The following RGMA variants were observed in gnomAD, a reference collection of about 807,000 sequenced individuals.
RGMA encodes repulsive guidance molecule A.
A neutral mutation model predicts 23.2 loss-of-function variants in RGMA; 10 were observed. The ratio of observed to expected loss-of-function variants is 0.43; its 90% CI spans 0.27 to 0.73. The LOEUF is 0.73. Ranked by LOEUF, RGMA falls within the 30% of genes least tolerant of loss-of-function variation. The probability of loss-of-function intolerance (pLI) is 0.20; values close to 1 mark genes in which losing one functional copy is unlikely to be tolerated. For missense variants in RGMA, 547 were observed against 630.5 expected, an observed-to-expected ratio of 0.87 and a Z score of 1.42; for synonymous variants, 308 against 279.3, an observed-to-expected ratio of 1.10 and a Z score of -1.03.
intron 1 of RGMA, 99 bp downstream of exon 1, chr15:93,088,820 G>T: frequency 2.7e-6 from 3 of 1,130,734 alleles, no homozygotes; most frequent in Non-Finnish European, 3.8e-6. Context: ...TGAGACGCGG[G>T]GCTAAGGAAG....
At chr15:93,052,716 A>T (rs1186078007) in intron 2 of RGMA, among the ~76,000 whole-genome samples, 3 of 152,200 alleles carry the variant, frequency 2.0e-5, no homozygotes, top group African/African-American at 4.8e-5. Flanking sequence ...ACAAGCATGC[A>T]CACCAGCAGG....
At chr15:93,083,434 C>G (rs1173241034) in intron 1 of RGMA, among the ~76,000 whole-genome samples, 1 of 152,106 alleles carries the variant, frequency 6.6e-6, no homozygotes, top group Admixed American at 6.5e-5. Context: ...TTCAAGCGAT[C>G]TTCCCACCTC....
intron 2 of RGMA, chr15:93,065,801 G>T: frequency 2.1e-6 from 2 of 946,564 alleles, no homozygotes; most frequent in African/African-American, 1.6e-5. Context: ...GGGTGGTCTG[G>T]GCCAGAATTG....
intron 1 of RGMA, among the ~76,000 whole-genome samples, chr15:93,083,210 C>G (rs543000978): frequency 6.6e-6 from 1 of 152,330 alleles, no homozygotes; most frequent in South Asian, 2.1e-4. Context: ...AAAATAACAG[C>G]AATGTAAAAC....
chr15:93,088,171 G>A (rs570336619), intron 1 of RGMA: 1 of 764,416 alleles, frequency 1.3e-6, no homozygotes, highest in East Asian at 1.3e-4. Context: ...CTACCTCCGA[G>A]CAAGTCTAAT....
chr15:93,073,632 G>A, intron 1 of RGMA: 1 of 1,537,080 alleles, frequency 6.5e-7, no homozygotes, highest in Non-Finnish European at 8.7e-7. Context: ...ACTCAGACGC[G>A]ACACCGGTGC....
At chr15:93,087,931 G>C (rs1054160616) in intron 1 of RGMA, among the ~76,000 whole-genome samples, 8 of 152,162 alleles carry the variant, frequency 5.3e-5, no homozygotes, top group Admixed American at 4.6e-4. Flanking sequence ...GCGAGGGCTG[G>C]TTCCCGCCTC....
chr15:93,051,938 G>A (rs750150274), intron 3 of RGMA, 55 bp downstream of exon 3: 25 of 1,511,354 alleles, frequency 1.7e-5, no homozygotes, highest in East Asian at 7.3e-5. Context: ...CAGTGTCCAC[G>A]CAGGGCAGAG....
chr15:93,066,377 C>T (rs1273537656), intron 2 of RGMA: 8 of 721,064 alleles, frequency 1.1e-5, no homozygotes, highest in East Asian at 6.1e-5. Context: ...CCAGCTTGTT[C>T]GCGTGACTCC....
At chr15:93,063,657 G>A (rs11636323) in intron 2 of RGMA, among the ~76,000 whole-genome samples, 27,656 of 152,206 alleles carry the variant, frequency 0.18, 2,855 homozygotes, top group Middle Eastern at 0.31. Flanking sequence ...CAGCCAGAAT[G>A]TGTCACCTTT....
chr15:93,087,481 A>AAAAAAC (rs748448767), intron 1 of RGMA, among the ~76,000 whole-genome samples: 1 of 149,136 alleles, frequency 6.7e-6, no homozygotes, highest in Non-Finnish European at 1.5e-5. Flanking sequence ...AAAAAAAAAA[A>AAAAAAC]AAACCACAAA....
chr15:93,064,438 C>T (rs796631378), intron 2 of RGMA, among the ~76,000 whole-genome samples: 15 of 152,370 alleles, frequency 9.8e-5, no homozygotes, highest in African/African-American at 3.4e-4. Flanking sequence ...CTCCGCCTAG[C>T]CTGCGGGTCT....
chr15:93,048,811 G>A lies in RGMA; in HGVS notation c.646-3106C>T, dbSNP rs981448219. Among the ~76,000 whole-genome samples the A allele has an allele frequency of 3.3e-5, 5 of 151,944 alleles. No individual in the cohort carries two copies. In the South Asian group the frequency reaches 1.0e-3, roughly 32 times the overall value. On this transcript the variant is annotated intron_variant, in intron 3 of 3. Transcript: ENST00000329082. ...GGGGTGCCGGAGGTGGGCCAGCCAG[G>A]GTGGTCTGGGCCGTGGGTGGTCCTG...
chr15:93,054,100 C>T (rs934676315), intron 2 of RGMA, among the ~76,000 whole-genome samples: 2 of 151,660 alleles, frequency 1.3e-5, no homozygotes, highest in African/African-American at 4.9e-5. Flanking sequence ...CATGGTGGTG[C>T]GCACCTGTAA....
chr15:93,066,608 C>T (rs577903184), intron 2 of RGMA: 19 of 453,774 alleles, frequency 4.2e-5, no homozygotes, highest in African/African-American at 2.0e-4. Flanking sequence ...GCATCGTCGC[C>T]GTGGGGACTG....
intron 2 of RGMA, among the ~76,000 whole-genome samples, chr15:93,070,375 C>G (rs2141837383): frequency 6.6e-6 from 1 of 152,330 alleles, no homozygotes; most frequent in African/African-American, 2.4e-5. Flanking sequence ...CCAGTTTCCA[C>G]CTGTCTTCAA....
chr15:93,063,469 C>T (rs190569396), intron 2 of RGMA, among the ~76,000 whole-genome samples: 9 of 152,304 alleles, frequency 5.9e-5, no homozygotes, highest in African/African-American at 1.2e-4. Context: ...GAGCAGTATT[C>T]GGGAGTCTCT....
intron 1 of RGMA, chr15:93,073,551 AT>A (rs1384515519): frequency 3.3e-6 from 5 of 1,516,968 alleles, no homozygotes; most frequent in Non-Finnish European, 3.5e-6. Context: ...TTGGAGGCAA[AT>A]CCCAGCCCTA....
chr15:93,077,708 C>T (rs76331842), intron 1 of RGMA, among the ~76,000 whole-genome samples: 9,251 of 152,236 alleles, frequency 0.061, 409 homozygotes, highest in Middle Eastern at 0.099. Context: ...CATTTGAGGA[C>T]GTGACATAGT....
Sources: gnomAD v4.1 joint callset for allele counts (sites outside exome capture counted in the v4.1 genomes callset) on GRCh38, gnomAD v4.1.1 for gene constraint, MANE v1.5 for transcripts, NCBI Gene and HGNC (gene_info 2026-07-23, HGNC 2026-07-21) for gene names.